Variants in CYFIP1 observed in about 807,000 individuals in gnomAD.
CYFIP1 encodes the protein cytoplasmic FMR1 interacting protein 1.
Under a neutral mutation model 163.5 loss-of-function variants are expected in CYFIP1, and 58 were observed. The observed-to-expected ratio is 0.35, with a 90% CI of 0.29 to 0.44. CYFIP1 has a LOEUF of 0.44. CYFIP1 is among the 20% of genes least tolerant of loss of function. The pLI, the probability that CYFIP1 is intolerant of heterozygous loss-of-function variation, is 1.00. For synonymous variants in CYFIP1, 663 were observed against 660.7 expected (o/e 1.00, Z -0.05); for missense variants, 1,338 against 1,653.8 (o/e 0.81, Z 3.31).
intron 25 of CYFIP1, 34 bp from the exon 26 acceptor site, chr15:22,880,077 C>G (rs2059710249): frequency 6.2e-7 from 1 of 1,611,474 alleles, no homozygotes; most frequent in Admixed American, 1.7e-5. Context: ...GGTTGGGGGA[C>G]TGGAGGGGGC....
intron 25 of CYFIP1, among the ~76,000 whole-genome samples, chr15:22,880,908 G>C (rs1453928658): frequency 2.0e-5 from 3 of 152,122 alleles, no homozygotes; most frequent in Non-Finnish European, 4.4e-5. Flanking sequence ...TACCACACTG[G>C]GAAATGGCTC....
intron 30 of CYFIP1, among the ~76,000 whole-genome samples, chr15:22,871,913 A>G (rs1312777174): frequency 6.6e-6 from 1 of 151,958 alleles, no homozygotes; most frequent in Non-Finnish European, 1.5e-5. Context: ...GGCTGAACTC[A>G]GGCATCTGAC....
intron 16 of CYFIP1, 29 bp from the exon 17 acceptor site, chr15:22,914,911 TCTCCCGCAAG>T: frequency 6.3e-7 from 1 of 1,582,518 alleles, no homozygotes; most frequent in Non-Finnish European, 8.6e-7. Context: ...CTCCATGTTA[TCTCCCGCAAG>T]CAAAAAAAAA....
chr15:22,897,553 G>C (rs1041536919), intron 22 of CYFIP1, among the ~76,000 whole-genome samples: 4 of 150,256 alleles, frequency 2.7e-5, no homozygotes, highest in African/African-American at 9.8e-5. Context: ...GCGCATTCTT[G>C]GCTCACTGCA....
intron 22 of CYFIP1, among the ~76,000 whole-genome samples, chr15:22,897,714 C>A (rs2060280493): frequency 6.6e-6 from 1 of 152,082 alleles, no homozygotes. Context: ...GAACTCCTGA[C>A]CTCAAGTGAT....
chr15:22,927,157 C>T (rs1004346843), intron 12 of CYFIP1, among the ~76,000 whole-genome samples: 1 of 151,780 alleles, frequency 6.6e-6, no homozygotes. Flanking sequence ...GCCCACACGG[C>T]GAGACTGTCT....
intron 26 of CYFIP1, among the ~76,000 whole-genome samples, chr15:22,876,165 C>T (rs1380141293): frequency 6.6e-6 from 1 of 151,968 alleles, no homozygotes; most frequent in Non-Finnish European, 1.5e-5. Context: ...AACAAAGAAA[C>T]AGCTATCAGA....
At chr15:22,881,740 G>C in intron 25 of CYFIP1, 106 bp downstream of exon 25, 1 of 1,058,448 alleles carries the variant, frequency 9.4e-7, no homozygotes, top group Non-Finnish European at 1.4e-6. Context: ...TCTGTCTACT[G>C]CCTCTTCCCA....
chr15:22,926,163 C>G (rs2061350916), intron 12 of CYFIP1, 56 bp from the exon 13 acceptor site: 1 of 1,608,444 alleles, frequency 6.2e-7, no homozygotes, highest in African/African-American at 1.3e-5. Context: ...CGCCTGGCTT[C>G]TGGTCTGACT....
Position 22,933,819 on chromosome 15 carries a change from G to A in CYFIP1, c.975C>T (p.Tyr325=), listed in dbSNP as rs781319942. 2.3e-5 allele frequency: 37 copies of A among 1,612,530 alleles called. No individual in the cohort carries two copies. The highest frequency in any genetic ancestry group is 8.8e-5 in the South Asian group (8 of 90,816). ...CCTCCTACCGAGATTTATTTTCCTC[G>A]TAGTGGGCGCTGGTCTTGATATATC... ...LARYIKTSAH[Y]EENKSRWTCT... Residue 325 remains tyrosine (Y), a synonymous_variant, in exon 10 of 31, where the codon TAC becomes TAT. Transcript: ENST00000617928.
intron 1 of CYFIP1, among the ~76,000 whole-genome samples, chr15:22,968,073 T>G (rs2082014563): frequency 6.6e-6 from 1 of 151,500 alleles, no homozygotes; most frequent in African/African-American, 2.4e-5. Flanking sequence ...GAGGTGGAGG[T>G]TGCAGTGAGC....
At chr15:22,929,097 G>A (rs2061449914) in intron 11 of CYFIP1, among the ~76,000 whole-genome samples, 1 of 151,830 alleles carries the variant, frequency 6.6e-6, no homozygotes, top group South Asian at 2.1e-4. Context: ...CTGCATGCCT[G>A]TAATCTCAGC....
chr15:22,928,152 A>G, intron 11 of CYFIP1, 124 bp from the exon 12 acceptor site: 1 of 1,205,488 alleles, frequency 8.3e-7, no homozygotes, highest in Non-Finnish European at 1.1e-6. Context: ...GCAGGAGGCC[A>G]AGGCGGGCGG....
At chr15:22,879,830 C>T in intron 26 of CYFIP1, 83 bp downstream of exon 26, 9 of 1,117,166 alleles carry the variant, frequency 8.1e-6, no homozygotes, top group Non-Finnish European at 1.1e-5. Flanking sequence ...CTAAAGAACC[C>T]GCCAAAGAAA....
At chr15:22,966,965 C>T (rs891230439) in intron 1 of CYFIP1, among the ~76,000 whole-genome samples, 1 of 150,928 alleles carries the variant, frequency 6.6e-6, no homozygotes, top group Admixed American at 6.6e-5. Context: ...TCAGAGATGC[C>T]GAGGGGACGC....
At chr15:22,940,416 C>G (rs909170204) in intron 6 of CYFIP1, among the ~76,000 whole-genome samples, 1 of 152,196 alleles carries the variant, frequency 6.6e-6, no homozygotes, top group Admixed American at 6.5e-5. Flanking sequence ...ATGCAAGATA[C>G]TGACAAGCAC....
intron 17 of CYFIP1, 165 bp from the exon 18 acceptor site, chr15:22,912,440 C>T (rs1266380188): frequency 7.5e-6 from 4 of 533,904 alleles, no homozygotes; most frequent in African/African-American, 2.0e-5. Context: ...GTGGTGGCTG[C>T]GCCTGAGGCG....
chr15:22,948,879 G>C (rs2062149978), intron 1 of CYFIP1, among the ~76,000 whole-genome samples: 1 of 136,502 alleles, frequency 7.3e-6, no homozygotes. Context: ...TTTCTAATCT[G>C]AATACCAGAG....
In CYFIP1 at chr15:22,917,481, C is replaced by G; in HGVS notation, c.1674+307G>C. 1 of 528,420 alleles carries G rather than the reference C, an allele frequency of 1.9e-6. No individual in the cohort carries two copies. Among genetic ancestry groups the G allele is most frequent in the Middle Eastern group, 5.0e-4 (1 of 2,008 alleles). The allele number at this position is 528,420 out of a possible 1,614,324, so 32.7% of individuals were successfully genotyped here. A position where few individuals can be genotyped will look rare whatever the true frequency, so the allele number is the denominator to read the frequency against. On this transcript the variant is annotated intron_variant, in intron 15 of 30. Transcript: ENST00000617928. This position sits in a 1 kb window ranked among gnomAD's most constrained non-coding sequence, Gnocchi z 4.2. ...AAAATTATACAGACATTCAAACACC[C>G]ATCAAGAAACACAGAATGAATACAG...
Sources: gnomAD v4.1 joint callset for allele counts (sites outside exome capture counted in the v4.1 genomes callset) on GRCh38, gnomAD v4.1.1 for gene constraint, Gnocchi (gnomAD v3.1) non-coding constraint, MANE v1.5 for transcripts, NCBI Gene and HGNC (gene_info 2026-07-23, HGNC 2026-07-21) for gene names.